Variants in DNER observed in about 807,000 individuals in gnomAD.
DNER encodes the protein delta and Notch-like epidermal growth factor-related receptor.
DNER carries 33 observed loss-of-function variants against 78.2 expected under a neutral mutation model. The observed-to-expected ratio is 0.42, with a 90% CI of 0.32 to 0.56. The LOEUF is 0.56. Among genes scored for constraint, DNER ranks in the 20% least tolerant of loss-of-function variants. The pLI is 0.11. For missense variants in DNER, 918 were observed against 975.3 expected (o/e 0.94, Z 0.78); for synonymous variants, 417 against 384.8 (o/e 1.08, Z -0.98).
At chr2:229,672,150 A>G (rs770968563) in intron 1 of DNER, among the ~76,000 whole-genome samples, 3 of 152,194 alleles carry the variant, frequency 2.0e-5, no homozygotes, top group Admixed American at 6.5e-5. Context: ...GGGGCTCGGC[A>G]GGAATAGCTC....
intron 10 of DNER, among the ~76,000 whole-genome samples, chr2:229,396,151 T>G (rs911032458): frequency 2.1e-4 from 32 of 152,208 alleles, no homozygotes; most frequent in African/African-American, 7.5e-4. Flanking sequence ...TCTGTGTGTC[T>G]GTATGTCTAT....
At chr2:229,634,266 CT>C (rs1324835557) in intron 1 of DNER, among the ~76,000 whole-genome samples, 1 of 152,028 alleles carries the variant, frequency 6.6e-6, no homozygotes, top group Non-Finnish European at 1.5e-5. Context: ...TCCTTCCTTC[CT>C]TCCTTCCTTC....
chr2:229,684,515 A>C lies in DNER; in HGVS notation c.276+29633T>G, dbSNP rs77567113. On this transcript the variant is annotated intron_variant, in intron 1 of 12. Transcript: ENST00000341772. ...TTTCCCTCTGGAGATGTCTCTGCTG[A>C]GCTCCAGAGGAACACCTCCAACTAA... 5.5e-3 allele frequency among the ~76,000 whole-genome samples: 831 copies of C among 152,078 alleles called. 9 individuals carry two copies. Among genetic ancestry groups the C allele is most frequent in the African/African-American group, 0.019 (769 of 41,462 alleles).
chr2:229,512,394 A>AAATT, intron 6 of DNER, among the ~76,000 whole-genome samples: 1 of 151,728 alleles, frequency 6.6e-6, no homozygotes, highest in Admixed American at 6.6e-5. Flanking sequence ...AAAAAAAAAA[A>AAATT]AATTAATTAA....
intron 1 of DNER, among the ~76,000 whole-genome samples, chr2:229,685,993 G>A (rs146114790): frequency 2.2e-4 from 34 of 152,182 alleles, no homozygotes; most frequent in African/African-American, 4.1e-4. Flanking sequence ...GGAGTTTTTC[G>A]TGACAGGATG....
chr2:229,596,814 C>T (rs114002969), intron 1 of DNER, among the ~76,000 whole-genome samples: 2,163 of 152,326 alleles, frequency 0.014, 46 homozygotes, highest in Middle Eastern at 0.048. Flanking sequence ...AGGAGAAACA[C>T]TCTTAGTGAA....
intron 10 of DNER, among the ~76,000 whole-genome samples, chr2:229,395,261 C>G (rs1389922733): frequency 1.3e-5 from 2 of 152,188 alleles, no homozygotes; most frequent in African/African-American, 4.8e-5. Flanking sequence ...ATTATTACTA[C>G]AAGGGGATAC....
chr2:229,415,609 A>G (rs1003205293), intron 9 of DNER, among the ~76,000 whole-genome samples: 4 of 152,210 alleles, frequency 2.6e-5, no homozygotes, highest in African/African-American at 9.6e-5. Context: ...AAAGGCATAC[A>G]TCTCTTCCTT....
chr2:229,476,803 T>G (rs1695045510), intron 7 of DNER, among the ~76,000 whole-genome samples: 1 of 140,656 alleles, frequency 7.1e-6, no homozygotes, highest in Non-Finnish European at 1.6e-5. Flanking sequence ...AACTTTGTGT[T>G]GAATTTTTAA....
At chr2:229,531,516 G>C (rs1416784736) in intron 5 of DNER, among the ~76,000 whole-genome samples, 1 of 152,132 alleles carries the variant, frequency 6.6e-6, no homozygotes, top group African/African-American at 2.4e-5. Flanking sequence ...AAAATAACAA[G>C]TGTTTGTATG....
chr2:229,469,518 G>A (rs1694877892), intron 7 of DNER, among the ~76,000 whole-genome samples: 1 of 152,166 alleles, frequency 6.6e-6, no homozygotes. Flanking sequence ...TCGATAGATG[G>A]GGAAAATGAG....
At chr2:229,634,942 G>A (rs995193069) in intron 1 of DNER, among the ~76,000 whole-genome samples, 1 of 152,132 alleles carries the variant, frequency 6.6e-6, no homozygotes, top group Non-Finnish European at 1.5e-5. Context: ...TAACTTTTGA[G>A]AACAGCAGTG....
At chr2:229,713,705 C>T (rs80286877) in intron 1 of DNER, among the ~76,000 whole-genome samples, 2,923 of 152,356 alleles carry the variant, frequency 0.019, 49 homozygotes, top group Non-Finnish European at 0.031. Context: ...ACCGCACACC[C>T]TTTACACACA....
intron 1 of DNER, among the ~76,000 whole-genome samples, chr2:229,602,608 T>C (rs1380255556): frequency 6.6e-6 from 1 of 152,222 alleles, no homozygotes; most frequent in African/African-American, 2.4e-5. Context: ...GCAAGTTTGC[T>C]GCATGCAAGA....
At chr2:229,432,873 G>A (rs913317755) in intron 8 of DNER, among the ~76,000 whole-genome samples, 1 of 152,176 alleles carries the variant, frequency 6.6e-6, no homozygotes, top group Non-Finnish European at 1.5e-5. Flanking sequence ...CGGGGAAATG[G>A]TAGGGGTTGT....
intron 1 of DNER, among the ~76,000 whole-genome samples, chr2:229,613,219 A>T (rs907085474): frequency 1.3e-5 from 2 of 152,206 alleles, no homozygotes; most frequent in Non-Finnish European, 2.9e-5. Context: ...TTTTGCTGGT[A>T]ACAGAAAAAA....
At position 229,417,316 on chromosome 2, in the gene DNER, G is replaced by A. The variant is rs147741149; in HGVS notation, c.1609+792C>T. Among the ~76,000 whole-genome samples, 429 of 152,272 alleles carry A rather than the reference G, an allele frequency of 2.8e-3. 1 individual carries two copies. The highest frequency in any genetic ancestry group is 9.5e-3 in the African/African-American group (393 of 41,566). On this transcript the variant is annotated intron_variant, in intron 9 of 12. Coordinates refer to ENST00000341772, the MANE Select transcript of DNER (RefSeq NM_139072.4). ...CAAGCAAGCAGCAATAGGAGCAAGCGGTTGAATGAAATGGCTATAAATAGA... is the reference window on the plus strand; with the variant it reads ...CAAGCAAGCAGCAATAGGAGCAAGCAGTTGAATGAAATGGCTATAAATAGA...
intron 5 of DNER, among the ~76,000 whole-genome samples, chr2:229,516,286 G>C (rs191013741): frequency 2.0e-5 from 3 of 152,150 alleles, no homozygotes; most frequent in Non-Finnish European, 4.4e-5. Context: ...CTGCTGACTT[G>C]TAAGAGATCA....
At chr2:229,438,955 A>G (rs1190147343) in intron 8 of DNER, among the ~76,000 whole-genome samples, 1 of 152,206 alleles carries the variant, frequency 6.6e-6, no homozygotes, top group East Asian at 1.9e-4. Context: ...GAGCTAACAG[A>G]GGCTCCAGCA....
Sources: gnomAD v4.1 joint callset for allele counts (sites outside exome capture counted in the v4.1 genomes callset) on GRCh38, gnomAD v4.1.1 for gene constraint, MANE v1.5 for transcripts, NCBI Gene and HGNC (gene_info 2026-07-23, HGNC 2026-07-21) for gene names.